The following DGKI variants were observed in gnomAD, a reference collection of about 807,000 sequenced individuals.
DGKI encodes the protein DAG kinase iota.
DGKI carries 55 observed loss-of-function variants against 147.5 expected under a neutral mutation model. The observed-to-expected ratio is 0.37, with a 90% CI of 0.30 to 0.47. The LOEUF is 0.47. Among genes scored for constraint, DGKI ranks in the 20% least tolerant of loss-of-function variants. The pLI, the probability that DGKI is intolerant of heterozygous loss-of-function variation, is 1.00. For synonymous variants in DGKI, 469 were observed against 477.1 expected (o/e 0.98, Z 0.22); for missense variants, 1,007 against 1,323.8 (o/e 0.76, Z 3.71).
intron 21 of DGKI, among the ~76,000 whole-genome samples, chr7:137,491,491 A>G (rs1480964345): frequency 6.6e-6 from 1 of 152,246 alleles, no homozygotes; most frequent in African/African-American, 2.4e-5. Context: ...GCAAGAACAT[A>G]AAGACCTGCA....
At chr7:137,707,686 T>A (rs1333528782) in intron 1 of DGKI, among the ~76,000 whole-genome samples, 2 of 152,214 alleles carry the variant, frequency 1.3e-5, no homozygotes, top group African/African-American at 4.8e-5. Context: ...TCTGCTATGA[T>A]TATAAGTTTC....
intron 19 of DGKI, among the ~76,000 whole-genome samples, chr7:137,553,743 C>A (rs572490789): frequency 6.6e-6 from 1 of 152,088 alleles, no homozygotes; most frequent in African/African-American, 2.4e-5. Flanking sequence ...TTCCTACGTG[C>A]CCCTTCCTAG....
At chr7:137,787,841 G>T (rs143315708) in intron 1 of DGKI, among the ~76,000 whole-genome samples, 1 of 152,210 alleles carries the variant, frequency 6.6e-6, no homozygotes, top group African/African-American at 2.4e-5. Context: ...ATTATGCTAT[G>T]AGGACACAAA....
chr7:137,410,265 T>C (rs975716638), intron 29 of DGKI, among the ~76,000 whole-genome samples: 3 of 151,944 alleles, frequency 2.0e-5, no homozygotes, highest in Admixed American at 6.6e-5. Flanking sequence ...ATTAGCTGGG[T>C]GTGGTGGCAG....
chr7:137,774,127 G>A (rs1488328454), intron 1 of DGKI, among the ~76,000 whole-genome samples: 1 of 152,112 alleles, frequency 6.6e-6, no homozygotes, highest in Non-Finnish European at 1.5e-5. Context: ...TTTCCTGGGT[G>A]ACTAATTTTG....
rs952144356 is a variant in DGKI at position 137,387,502 on chromosome 7, C to T, written c.*3718G>A. ...TTAAAATGTTTGCTCTTTTCTAAAC[C>T]TATGCAATATACATGAATATAGTAT... is the stretch of plus-strand genomic sequence containing the variant. On this transcript the variant is annotated 3_prime_UTR_variant, in exon 33 of 33. Coordinates refer to ENST00000614521, the MANE Select transcript of DGKI (RefSeq NM_001321708.2). 1.3e-5 allele frequency: 2 copies of T among 152,090 alleles called. No homozygotes were observed. The highest frequency in any genetic ancestry group is 4.8e-5 in the African/African-American group (2 of 41,420). 9.4% of individuals were successfully genotyped at this position (152,090 alleles called of 1,614,324 possible). A position where few individuals can be genotyped will look rare whatever the true frequency, so the allele number is the denominator to read the frequency against.
At chr7:137,690,170 T>C (rs1255831328) in intron 1 of DGKI, among the ~76,000 whole-genome samples, 168 bp from the exon 2 acceptor site, 2 of 152,116 alleles carry the variant, frequency 1.3e-5, no homozygotes. Flanking sequence ...GTGCATGGTG[T>C]CCAAAGAGGG....
At chr7:137,491,610 G>A (rs1815765796) in intron 21 of DGKI, among the ~76,000 whole-genome samples, 1 of 152,190 alleles carries the variant, frequency 6.6e-6, no homozygotes. Flanking sequence ...TTACCTAAAT[G>A]AGATGCTGAA....
rs754789718 is a variant in DGKI at position 137,623,477 on chromosome 7, T to C, written c.876+6A>G. ...CCCACATTGCTTTATTTCATCCCAA[T>C]CTTACCGCCTGCTTGCACCAGGAAC... is the stretch of plus-strand genomic sequence containing the variant. On this transcript the variant is annotated splice_donor_region_variant and intron_variant, in intron 7 of 32. Coordinates refer to ENST00000614521, the MANE Select transcript of DGKI (RefSeq NM_001321708.2). The C allele has an allele frequency of 1.9e-6, 3 of 1,613,588 alleles. No individual in the cohort carries two copies. In the South Asian group the frequency reaches 3.3e-5, roughly 18 times the overall value.
At chr7:137,725,439 G>T (rs1794691175) in intron 1 of DGKI, among the ~76,000 whole-genome samples, 1 of 151,890 alleles carries the variant, frequency 6.6e-6, no homozygotes, top group Non-Finnish European at 1.5e-5. Flanking sequence ...TTCTCCCTTT[G>T]GTTTTCCTTA....
chr7:137,605,459 C>T (rs199785522), intron 10 of DGKI, among the ~76,000 whole-genome samples: 1 of 151,992 alleles, frequency 6.6e-6, no homozygotes. Context: ...CCAAGCTCTA[C>T]AGCTTTGCAA....
At chr7:137,539,421 G>A (rs1817618188) in intron 20 of DGKI, among the ~76,000 whole-genome samples, 1 of 152,076 alleles carries the variant, frequency 6.6e-6, no homozygotes, top group African/African-American at 2.4e-5. Context: ...GAACTCTTGG[G>A]TGTTTATCTC....
At chr7:137,510,626 T>C (rs1467562474) in intron 21 of DGKI, among the ~76,000 whole-genome samples, 1 of 152,198 alleles carries the variant, frequency 6.6e-6, no homozygotes. Flanking sequence ...GAAATGATGA[T>C]TAGATACACT....
intron 1 of DGKI, among the ~76,000 whole-genome samples, chr7:137,845,268 G>A (rs117588049): frequency 0.011 from 1,632 of 152,288 alleles, 13 homozygotes; most frequent in South Asian, 0.021. Context: ...GCCAGGCGAT[G>A]TCTATGGGGA....
At chr7:137,540,761 C>CAAAAAAAA (rs1563075671) in intron 20 of DGKI, among the ~76,000 whole-genome samples, 2 of 35,520 alleles carry the variant, frequency 5.6e-5, no homozygotes, top group African/African-American at 1.1e-4. Context: ...AAAAACCCCC[C>CAAAAAAAA]CAAAAAAAAA....
At chr7:137,737,677 C>T (rs930291596) in intron 1 of DGKI, among the ~76,000 whole-genome samples, 12 of 152,206 alleles carry the variant, frequency 7.9e-5, no homozygotes, top group African/African-American at 2.2e-4. Context: ...TTTTGAAATG[C>T]CTCTAAACAT....
At chr7:137,445,486 G>A (rs2113579) in intron 27 of DGKI, among the ~76,000 whole-genome samples, 51,860 of 151,924 alleles carry the variant, frequency 0.34, 9,741 homozygotes, top group East Asian at 0.63. Flanking sequence ...CCCTGGGTAG[G>A]GTTGATTTAT....
At chr7:137,447,592 T>C (rs1813764372) in intron 27 of DGKI, among the ~76,000 whole-genome samples, 2 of 152,184 alleles carry the variant, frequency 1.3e-5, no homozygotes, top group African/African-American at 4.8e-5. Flanking sequence ...AGATATGAAA[T>C]TGCATAGAAT....
chr7:137,771,084 T>C (rs1796180963), intron 1 of DGKI, among the ~76,000 whole-genome samples: 1 of 152,118 alleles, frequency 6.6e-6, no homozygotes, highest in African/African-American at 2.4e-5. Context: ...ATTCATTCTT[T>C]ATTTATTTTT....
Sources: gnomAD v4.1 joint callset for allele counts (sites outside exome capture counted in the v4.1 genomes callset) on GRCh38, gnomAD v4.1.1 for gene constraint, MANE v1.5 for transcripts, NCBI Gene and HGNC (gene_info 2026-07-23, HGNC 2026-07-21) for gene names.